PUS7L: variants seen among roughly 807,000 people sequenced by gnomAD.
The protein encoded by PUS7L is pseudouridine synthase 7 like.
Under a neutral mutation model 51.1 loss-of-function variants are expected in PUS7L, and 49 were observed. That is an observed-to-expected ratio of 0.96 (90% CI 0.76 to 1.22). The LOEUF (loss-of-function observed/expected upper bound fraction) is 1.22. PUS7L is among the 50% of genes most tolerant of loss of function. PUS7L has a pLI of 0.00. For missense variants in PUS7L, 828 were observed against 820.6 expected (o/e 1.01, Z -0.11); for synonymous variants, 277 against 276.2 (o/e 1.00, Z -0.03).
At chr12:43,750,064 T>C (rs530533850) in intron 2 of PUS7L, among the ~76,000 whole-genome samples, 1 of 152,254 alleles carries the variant, frequency 6.6e-6, no homozygotes, top group Admixed American at 6.5e-5. Flanking sequence ...AAAAATAAAA[T>C]GTGTTCCTTC....
At chr12:43,743,405 T>C (rs1459547306) in intron 4 of PUS7L, among the ~76,000 whole-genome samples, 1 of 152,246 alleles carries the variant, frequency 6.6e-6, no homozygotes, top group Non-Finnish European at 1.5e-5. Context: ...TAATAAAAGA[T>C]GCGGAGCCAA....
At position 43,730,595 on chromosome 12, in the gene PUS7L, T is replaced by C. The variant is rs905291289; in HGVS notation, c.1887A>G (p.Lys629=). 6.2e-7 allele frequency: 1 copy of C among 1,612,788 alleles called. No homozygotes were observed. Among genetic ancestry groups the C allele is most frequent in the Non-Finnish European group, 8.5e-7 (1 of 1,178,930 alleles). Reference sequence around the variant, plus strand: ...GTATATTCAGTTTCAGAGTAGGTACTTTAAACCTACATGTCTGTAGTCCAT... The same window carrying C: ...GTATATTCAGTTTCAGAGTAGGTACCTTAAACCTACATGTCTGTAGTCCAT... ...SRDGLQTCRF[K]VPTLKLNIPG... is the part of the protein sequence containing the mutation. Residue 629 remains lysine, a synonymous_variant, in exon 9 of 9, where the codon AAA becomes AAG. Coordinates refer to ENST00000344862, the MANE Select transcript of PUS7L (RefSeq NM_031292.5).
chr12:43,743,506 G>C (rs1403162008), intron 4 of PUS7L, among the ~76,000 whole-genome samples: 1 of 152,228 alleles, frequency 6.6e-6, no homozygotes, highest in Non-Finnish European at 1.5e-5. Flanking sequence ...GCTCACACCT[G>C]TAATCCCAGC....
At chr12:43,738,204 TTTC>T (rs1937704443) in intron 6 of PUS7L, 103 bp downstream of exon 6, 3 of 711,138 alleles carry the variant, frequency 4.2e-6, no homozygotes, top group Non-Finnish European at 7.6e-6. Flanking sequence ...CTATAATTTA[TTTC>T]TTATCACATT....
rs1944408988 is a variant in PUS7L, at chr12:43,722,517, A to G, written c.*7859T>C. 6.6e-6 allele frequency: 1 copy of G among 152,118 alleles called. No individual in the cohort carries two copies. The highest frequency in any genetic ancestry group is 1.5e-5 in the Non-Finnish European group (1 of 67,948). 9.4% of individuals were successfully genotyped at this position (152,118 alleles called of 1,614,324 possible). A position where few individuals can be genotyped will look rare whatever the true frequency, so the allele number is the denominator to read the frequency against. On this transcript the variant is annotated 3_prime_UTR_variant, in exon 9 of 9. Coordinates refer to ENST00000344862, the MANE Select transcript of PUS7L (RefSeq NM_031292.5). ...TTTGCTATTGCCTCCTAAATGTGAAAATTATATTATTATTTACATAGAATA... is the reference window on the plus strand; with the variant it reads ...TTTGCTATTGCCTCCTAAATGTGAAGATTATATTATTATTTACATAGAATA...
At chr12:43,741,614 T>C (rs1187725246) in intron 5 of PUS7L, among the ~76,000 whole-genome samples, 5 of 152,230 alleles carry the variant, frequency 3.3e-5, no homozygotes, top group Non-Finnish European at 5.9e-5. Flanking sequence ...ACTGCTGAGG[T>C]AAACATTTCT....
Position 43,725,832 on chromosome 12 carries a change from G to A in PUS7L, c.*4544C>T, listed in dbSNP as rs896686519. On this transcript the variant is annotated 3_prime_UTR_variant, in exon 9 of 9. Coordinates refer to ENST00000344862, the MANE Select transcript of PUS7L (RefSeq NM_031292.5). ...TTAGGTTAGTAAACTACTCAGGTAT[G>A]TTTCCAATCTGCAAATAAGGGAAGA... 3 of 152,108 alleles carry A rather than the reference G, an allele frequency of 2.0e-5. No homozygotes were observed. Among genetic ancestry groups the A allele is most frequent in the African/African-American group, 7.2e-5 (3 of 41,402 alleles). 9.4% of individuals were successfully genotyped at this position (152,108 alleles called of 1,614,324 possible). A position where few individuals can be genotyped will look rare whatever the true frequency, so the allele number is the denominator to read the frequency against.
chr12:43,747,937 G>C (rs527730973), intron 3 of PUS7L, among the ~76,000 whole-genome samples: 1 of 152,002 alleles, frequency 6.6e-6, no homozygotes, highest in East Asian at 2.0e-4. Flanking sequence ...ACAGGCGCAC[G>C]CCATCACATC....
At chr12:43,749,139 T>C (rs1308501546) in intron 2 of PUS7L, among the ~76,000 whole-genome samples, 1 of 152,190 alleles carries the variant, frequency 6.6e-6, no homozygotes, top group Non-Finnish European at 1.5e-5. Context: ...ATTCCTTAAT[T>C]TGGTATTCAT....
Position 43,754,405 on chromosome 12 carries a change from G to A in PUS7L, c.841C>T (p.Arg281Trp), listed in dbSNP as rs182003657. 9.1e-5 allele frequency: 147 copies of A among 1,611,604 alleles called. 2 individuals are homozygous for A. The East Asian group carries it at 2.7e-3, about 29-fold the overall frequency. The change falls in exon 2 of 9, where the codon CGG becomes TGG. Residue 281 changes from arginine to tryptophan, a missense_variant. Coordinates refer to ENST00000344862, the MANE Select transcript of PUS7L (RefSeq NM_031292.5). The stretch of plus-strand genomic sequence containing the variant: ...TTCCCACGTTTGTGTGCTTTTTCCC[G>A]AAATCTTACTGTTACCACCACATTC... ...NPNVVVTVRF[R>W]EKAHKRGKRP...
chr12:43,747,944 C>A (rs1466665510), intron 3 of PUS7L, among the ~76,000 whole-genome samples: 1 of 152,026 alleles, frequency 6.6e-6, no homozygotes, highest in South Asian at 2.1e-4. Context: ...CACGCCATCA[C>A]ATCCAGCTAA....
intron 2 of PUS7L, among the ~76,000 whole-genome samples, chr12:43,753,371 C>G (rs11182250): frequency 0.23 from 35,120 of 152,012 alleles, 6,467 homozygotes; most frequent in African/African-American, 0.51. Flanking sequence ...AAATCTTAAA[C>G]ATGTTAAAAA....
intron 6 of PUS7L, chr12:43,737,951 A>G (rs1937690756): frequency 5.2e-6 from 1 of 193,632 alleles, no homozygotes; most frequent in Admixed American, 5.4e-5. Context: ...GGAATATCAT[A>G]AATGAACTTT....
At position 43,720,961 on chromosome 12, in the gene PUS7L, T is replaced by C. The variant is rs188784886; in HGVS notation, c.*9415A>G. 6.6e-6 allele frequency: 1 copy of C among 152,324 alleles called. No individual in the cohort carries two copies. The highest frequency in any genetic ancestry group is 1.5e-5 in the Non-Finnish European group (1 of 68,028). The allele number at this position is 152,324 out of a possible 1,614,324, so 9.4% of individuals were successfully genotyped here. On this transcript the variant is annotated 3_prime_UTR_variant, in exon 9 of 9. Coordinates refer to ENST00000344862, the MANE Select transcript of PUS7L (RefSeq NM_031292.5). ...AAAATGAAAATAATAACAGTACTTATCCCACATGTAAGTACTTGTTGATAA... is the reference window on the plus strand; with the variant it reads ...AAAATGAAAATAATAACAGTACTTACCCCACATGTAAGTACTTGTTGATAA...
chr12:43,753,685 C>G (rs1210449474), intron 2 of PUS7L, among the ~76,000 whole-genome samples: 2 of 152,048 alleles, frequency 1.3e-5, no homozygotes, highest in Non-Finnish European at 2.9e-5. Flanking sequence ...AAACACAGAC[C>G]CTAAAACAGT....
At chr12:43,748,639 A>G in intron 2 of PUS7L, 30 bp from the exon 3 acceptor site, 2 of 1,535,736 alleles carry the variant, frequency 1.3e-6, no homozygotes, top group East Asian at 2.3e-5. Context: ...TAGATCACAA[A>G]AAAAGCAGCT....
intron 4 of PUS7L, among the ~76,000 whole-genome samples, chr12:43,745,648 G>A (rs1013966368): frequency 6.6e-6 from 1 of 152,108 alleles, no homozygotes; most frequent in African/African-American, 2.4e-5. Context: ...TACTAGCAGT[G>A]TGAGAATGGA....
chr12:43,752,746 T>G (rs867157543), intron 2 of PUS7L, among the ~76,000 whole-genome samples: 7 of 152,090 alleles, frequency 4.6e-5, no homozygotes, highest in Non-Finnish European at 8.8e-5. Flanking sequence ...GGAGGAAGAA[T>G]TGTTTAATAA....
intron 3 of PUS7L, among the ~76,000 whole-genome samples, chr12:43,746,915 C>T (rs1423765974): frequency 6.6e-6 from 1 of 152,140 alleles, no homozygotes; most frequent in Admixed American, 6.5e-5. Flanking sequence ...TTAAAGTAAT[C>T]TCTCTTCCTT....
Sources: allele counts gnomAD v4.1 joint callset (sites outside exome capture counted in the v4.1 genomes callset), GRCh38; gene constraint gnomAD v4.1.1; transcripts MANE v1.5; gene names NCBI Gene and HGNC (gene_info 2026-07-23, HGNC 2026-07-21).